The following ZNF354B variants were observed in gnomAD, a reference collection of about 807,000 sequenced individuals.
ZNF354B encodes zinc finger protein 354B.
In ZNF354B, 10 loss-of-function variants were observed where a neutral mutation model predicts 12.9. The observed-to-expected ratio is 0.77, with a 90% confidence interval of 0.48 to 1.31. ZNF354B has a LOEUF of 1.31. Among genes scored for constraint, ZNF354B ranks in the 40% most tolerant of loss-of-function variants. The pLI, the probability that ZNF354B is intolerant of heterozygous loss-of-function variation, is 0.00. For missense variants in ZNF354B, 614 were observed against 711.7 expected (o/e 0.86, Z 1.56); for synonymous variants, 260 against 243.7 (o/e 1.07, Z -0.62).
rs572833440 is a variant in ZNF354B at position 178,884,540 on chromosome 5, A to T, written c.*249A>T. The stretch of plus-strand genomic sequence containing the variant: ...AAAGGTATGTTTATAAAATCTCTTT[A>T]TATAATATATGCTATCTATGACATG... On this transcript the variant is annotated 3_prime_UTR_variant, in exon 5 of 5. Transcript: ENST00000322434. 8.3e-4 allele frequency: 297 copies of T among 358,196 alleles called. No homozygotes were observed. The highest frequency in any genetic ancestry group is 8.2e-4 in the Non-Finnish European group (166 of 202,194). The allele number at this position is 358,196 out of a possible 1,614,324, so 22.2% of individuals were successfully genotyped here. A position where few individuals can be genotyped will look rare whatever the true frequency, so the allele number is the denominator to read the frequency against.
chr5:178,878,620 T>C (rs1757675251), intron 4 of ZNF354B, among the ~76,000 whole-genome samples: 1 of 152,252 alleles, frequency 6.6e-6, no homozygotes, highest in Admixed American at 6.5e-5. Context: ...ACTTCCACTC[T>C]TGCTCTGAAA....
At chr5:178,872,581 T>C (rs567661948) in intron 4 of ZNF354B, among the ~76,000 whole-genome samples, 14 of 152,346 alleles carry the variant, frequency 9.2e-5, no homozygotes, top group African/African-American at 3.4e-4. Context: ...CCAGAGTGGC[T>C]GTGCCATTTT....
intron 4 of ZNF354B, among the ~76,000 whole-genome samples, chr5:178,869,597 C>T (rs1047563423): frequency 1.6e-3 from 239 of 152,138 alleles, no homozygotes; most frequent in African/African-American, 5.5e-3. Context: ...AGTAAGTCTC[C>T]CCTCTAGAGA....
chr5:178,883,555 C>A lies in ZNF354B; in HGVS notation c.1103C>A (p.Ser368Tyr), dbSNP rs769214908. The stretch of plus-strand genomic sequence containing the variant: ...GGCAACACCTTTAAGTCTAGCTCAT[C>A]CCTTCGTTATCATCAGAGAATTCAC... ...ECGNTFKSSSSLRYHQRIHTG... is the reference protein window; with the variant it reads ...ECGNTFKSSSYLRYHQRIHTG... Residue 368 changes from serine (S) to tyrosine (Y), a missense_variant, in exon 5 of 5, where the codon TCC becomes TAC. Coordinates refer to ENST00000322434, the MANE Select transcript of ZNF354B (RefSeq NM_058230.3). 17 of 1,613,958 alleles carry A rather than the reference C, an allele frequency of 1.1e-5. No individual in the cohort carries two copies. The highest frequency in any genetic ancestry group is 1.7e-5 in the Admixed American group (1 of 60,000).
In ZNF354B at chr5:178,866,093, C is replaced by G. The variant is rs1470580679; in HGVS notation, c.34-151C>G. ...TGTGCTGCTCAGTATACATTTGTTA[C>G]TGGCCAATTATTCATTAAAGGAATG... On this transcript the variant is annotated intron_variant, in intron 2 of 4. Coordinates refer to ENST00000322434, the MANE Select transcript of ZNF354B (RefSeq NM_058230.3). 6.9e-6 allele frequency: 8 copies of G among 1,152,414 alleles called. No homozygotes were observed. In the African/African-American group the frequency reaches 1.3e-4, roughly 18 times the overall value. 71.4% of individuals were successfully genotyped at this position (1,152,414 alleles called of 1,614,324 possible).
At chr5:178,869,144 G>T (rs1324468677) in intron 4 of ZNF354B, among the ~76,000 whole-genome samples, 1 of 152,172 alleles carries the variant, frequency 6.6e-6, no homozygotes, top group African/African-American at 2.4e-5. Flanking sequence ...GCAGGCCCAG[G>T]CTGCATTCTG....
At chr5:178,879,117 C>G (rs990033729) in intron 4 of ZNF354B, among the ~76,000 whole-genome samples, 1 of 151,824 alleles carries the variant, frequency 6.6e-6, no homozygotes, top group Non-Finnish European at 1.5e-5. Context: ...GGTGCCATCT[C>G]GGCTCACTTC....
At position 178,883,071 on chromosome 5, in the gene ZNF354B, A is replaced by G. The variant is rs1469174734; in HGVS notation, c.619A>G (p.Ile207Val). ...TTCAAATTTACTTAACCAATCAAAA[A>G]TCAAAACAGCAGAGAAACGCTATAA... ...QNSNLLNQSKIKTAEKRYKCS... is the reference protein window; with the variant it reads ...QNSNLLNQSKVKTAEKRYKCS... Residue 207 changes from isoleucine to valine, a missense_variant, in exon 5 of 5, where the codon ATC becomes GTC. Transcript: ENST00000322434. The G allele has an allele frequency of 6.2e-7, 1 of 1,605,656 alleles. No homozygotes were observed. The highest frequency in any genetic ancestry group is 1.3e-5 in the African/African-American group (1 of 74,328).
rs576084846 is a variant in ZNF354B, at chr5:178,861,181, T to A, written c.33+101T>A. On this transcript the variant is annotated intron_variant, in intron 2 of 4. Coordinates refer to ENST00000322434, the MANE Select transcript of ZNF354B (RefSeq NM_058230.3). ...CCAGCCAGGATGGAGCCCAAGTCCT[T>A]TTCTCTTGGAGGAGCTGGTCCGCCC... is the stretch of plus-strand genomic sequence containing the variant. The A allele has an allele frequency of 2.9e-5, 29 of 1,012,014 alleles. 1 individual carries two copies. Among genetic ancestry groups the A allele is most frequent in the Non-Finnish European group, 4.2e-5 (28 of 660,474 alleles). 62.7% of individuals were successfully genotyped at this position (1,012,014 alleles called of 1,614,324 possible).
At chr5:178,861,502 T>C (rs1334355286) in intron 2 of ZNF354B, among the ~76,000 whole-genome samples, 1 of 152,214 alleles carries the variant, frequency 6.6e-6, no homozygotes, top group African/African-American at 2.4e-5. Flanking sequence ...TCGTTGTTAG[T>C]TTTTTGTCCC....
chr5:178,868,926 C>T (rs1043976594), intron 4 of ZNF354B, among the ~76,000 whole-genome samples: 3 of 150,274 alleles, frequency 2.0e-5, no homozygotes, highest in African/African-American at 7.4e-5. Context: ...GAGCCGAGAT[C>T]GCGCCACTGC....
At chr5:178,876,154 A>G (rs1454876419) in intron 4 of ZNF354B, among the ~76,000 whole-genome samples, 1 of 152,164 alleles carries the variant, frequency 6.6e-6, no homozygotes, top group Non-Finnish European at 1.5e-5. Context: ...TCTCTCTCAG[A>G]TTTCCTCCTC....
At chr5:178,863,353 C>T (rs1251339998) in intron 2 of ZNF354B, among the ~76,000 whole-genome samples, 3 of 151,820 alleles carry the variant, frequency 2.0e-5, no homozygotes, top group Non-Finnish European at 4.4e-5. Context: ...ACATTTTGGT[C>T]AATAAAAGAC....
chr5:178,884,616 C>T lies in ZNF354B; in HGVS notation c.*325C>T, dbSNP rs954228856. The T allele has an allele frequency of 1.1e-5, 2 of 189,658 alleles. No individual in the cohort carries two copies. Among genetic ancestry groups the T allele is most frequent in the African/African-American group, 2.3e-5 (1 of 42,816 alleles). 11.7% of individuals were successfully genotyped at this position (189,658 alleles called of 1,614,324 possible). On this transcript the variant is annotated 3_prime_UTR_variant, in exon 5 of 5. Coordinates refer to ENST00000322434, the MANE Select transcript of ZNF354B (RefSeq NM_058230.3). ...GGTGCTGAATTTTTCATTAGAAAAA[C>T]ATTTGTATAAACTACTATTATATAA... is the stretch of plus-strand genomic sequence containing the variant.
chr5:178,880,752 A>G (rs1396068804), intron 4 of ZNF354B, among the ~76,000 whole-genome samples: 1 of 150,430 alleles, frequency 6.6e-6, no homozygotes, highest in Non-Finnish European at 1.5e-5. Context: ...GGCCTCCCAA[A>G]TTGCTGAGAT....
intron 4 of ZNF354B, among the ~76,000 whole-genome samples, chr5:178,870,252 C>T (rs1170033495): frequency 6.6e-6 from 1 of 152,194 alleles, no homozygotes; most frequent in African/African-American, 2.4e-5. Flanking sequence ...TCTCGAACCT[C>T]CAGTAGCCTC....
At chr5:178,872,307 T>C (rs1040592858) in intron 4 of ZNF354B, among the ~76,000 whole-genome samples, 4 of 152,234 alleles carry the variant, frequency 2.6e-5, no homozygotes, top group Non-Finnish European at 5.9e-5. Context: ...ATCTGTGTAG[T>C]TGTATACATC....
rs1373033870 is a variant in ZNF354B at position 178,867,021 on chromosome 5, G to C, written c.206G>C (p.Gly69Ala). The change falls in exon 4 of 5, where the codon GGA (glycine) becomes GCA (alanine). Residue 69 changes from glycine to alanine, a missense_variant. Physicochemically the swap from Gly to Ala is moderately conservative, Grantham distance 60. Coordinates refer to ENST00000322434, the MANE Select transcript of ZNF354B (RefSeq NM_058230.3). ...KPKVISLLQQ[G>A]EDPWEVEKDS... ...AAAGTCATCTCCCTGTTGCAGCAAG[G>C]AGAAGATCCCTGGGAGGTGGAGAAA... The C allele has an allele frequency of 6.2e-7, 1 of 1,613,590 alleles. No homozygotes were observed. Among genetic ancestry groups the C allele is most frequent in the Admixed American group, 1.7e-5 (1 of 60,024 alleles).
chr5:178,861,852 T>C (rs1011810593), intron 2 of ZNF354B, among the ~76,000 whole-genome samples: 48 of 152,150 alleles, frequency 3.2e-4, no homozygotes, highest in Non-Finnish European at 7.3e-5. Context: ...ACCTGTAAAA[T>C]GGGAATAACA....
Sources: allele counts gnomAD v4.1 joint callset (sites outside exome capture counted in the v4.1 genomes callset), GRCh38; gene constraint gnomAD v4.1.1; transcripts MANE v1.5; gene names NCBI Gene and HGNC (gene_info 2026-07-23, HGNC 2026-07-21).